Variants in MSN observed in about 807,000 individuals in gnomAD.
MSN encodes the protein epididymis luminal protein 70.
MSN carries 2 observed loss-of-function variants against 48.0 expected under a neutral mutation model. The observed-to-expected ratio is 0.04, with a 90% CI of 0.02 to 0.13. MSN has a LOEUF of 0.13. Ranked by LOEUF, MSN falls within the 10% of genes least tolerant of loss-of-function variation. The pLI, the probability that MSN is intolerant of heterozygous loss-of-function variation, is 1.00. For missense variants in MSN, 267 were observed against 470.1 expected, an observed-to-expected ratio of 0.57 and a Z score of 3.99; for synonymous variants, 146 against 166.9, an observed-to-expected ratio of 0.87 and a Z score of 0.97.
At chrX:65,676,928 G>T (rs1377509445) in intron 1 of MSN, among the ~76,000 whole-genome samples, 1 of 110,274 alleles carries the variant, frequency 9.1e-6, no homozygotes, top group African/African-American at 3.3e-5. Context: ...GGGTTCAAGA[G>T]ATTCTCCTGC....
At chrX:65,622,500 A>G (rs1453616194) in intron 1 of MSN, among the ~76,000 whole-genome samples, 1 of 100,943 alleles carries the variant, frequency 9.9e-6, no homozygotes, top group Non-Finnish European at 2.0e-5. Context: ...TGATGAAGCT[A>G]GGCATCTTTG....
intron 1 of MSN, among the ~76,000 whole-genome samples, chrX:65,623,922 G>A (rs1340497110): frequency 9.1e-6 from 1 of 110,387 alleles, no homozygotes; most frequent in Non-Finnish European, 1.9e-5. Flanking sequence ...TTATAGGTAG[G>A]TTAAGATTTT....
chrX:65,731,851 C>G lies in MSN; in HGVS notation c.565C>G (p.Leu189Val). The change falls in exon 6 of 13, where the codon CTG becomes GTG. Residue 189 changes from leucine to valine, a missense_variant. Physicochemically the swap from Leu to Val is conservative, Grantham distance 32 (BLOSUM62 1). This residue lies in a region of MSN where 89 missense variants were observed against 151.0 expected (regional missense o/e 0.59). Transcript: ENST00000360270. The stretch of plus-strand genomic sequence containing the variant: ...TGTGTCATTTAGGGAGGATGCTGTC[C>G]TGGAATATCTGAAGATTGCTCAAGA... The part of the protein sequence containing the change: ...HRGMLREDAV[L>V]EYLKIAQDLE... 8.3e-7 allele frequency: 1 copy of G among 1,208,861 alleles called. No individual in the cohort carries two copies.
In MSN at chrX:65,739,056, G is replaced by A. The variant is rs1278576467; in HGVS notation, c.1431G>A (p.Glu477=). 8.3e-7 allele frequency: 1 copy of A among 1,210,343 alleles called. No homozygotes were observed. The highest frequency in any genetic ancestry group is 1.1e-6 in the Non-Finnish European group (1 of 895,231). The change falls in exon 12 of 13, where the codon GAG becomes GAA. Residue 477 remains glutamate, a synonymous_variant. Transcript: ENST00000360270. The part of the protein sequence containing the change: ...MSTPHVAEPA[E]NEQDEQDENG... ...CACCTCATGTGGCAGAGCCTGCTGAGAATGAGCAGGATGAGCAGGATGAGA... is the reference window on the plus strand; with the variant it reads ...CACCTCATGTGGCAGAGCCTGCTGAAAATGAGCAGGATGAGCAGGATGAGA...
rs929151204 is a variant in MSN at position 65,649,592 on chromosome X, T to A, written c.-22+60980T>A. ...CTCTATCTCAAAAAAAAAAAAAATA[T>A]ATATATATATATTTGTGTGTGTGTG... On this transcript the variant is annotated intron_variant, in intron 1 of 3. Coordinates refer to the MSN transcript ENST00000609672. Among the ~76,000 whole-genome samples, 66 of 99,552 alleles carry A rather than the reference T, an allele frequency of 6.6e-4. 1 individual carries two copies. Among genetic ancestry groups the A allele is most frequent in the African/African-American group, 2.4e-3 (63 of 26,710 alleles). The allele number at this position is 99,552 out of a possible 115,157, so 86.4% of individuals were successfully genotyped here.
intron 1 of MSN, among the ~76,000 whole-genome samples, chrX:65,590,452 C>A (rs1220777826): frequency 9.0e-6 from 1 of 110,743 alleles, no homozygotes; most frequent in Non-Finnish European, 1.9e-5. Context: ...CCTTAGGGGC[C>A]AGGGTAACTC....
rs764759885 is a variant in MSN at position 65,731,092 on chromosome X, C to G, written c.468-15C>G. Reference sequence around the variant, plus strand: ...CTTTGTGCTTTAAACTACTCATCACCCATTGTCTTTCCAGAGTCCTGGAAC... The same window carrying G: ...CTTTGTGCTTTAAACTACTCATCACGCATTGTCTTTCCAGAGTCCTGGAAC... On this transcript the variant is annotated splice_polypyrimidine_tract_variant and intron_variant, in intron 4 of 12. Transcript: ENST00000360270. 3.4e-6 allele frequency: 4 copies of G among 1,187,500 alleles called. No homozygotes were observed.
At position 65,739,915 on chromosome X, in the gene MSN, C is replaced by T; in HGVS notation, c.*22C>T. 1.7e-6 allele frequency: 2 copies of T among 1,194,277 alleles called. No homozygotes were observed. The highest frequency in any genetic ancestry group is 1.9e-5 in the South Asian group (1 of 53,989). ...GTAATGGGCACCCAGCCTCTAGGGA[C>T]CCCTCCTCCCTTTTTCCTTGTCCCC... is the stretch of plus-strand genomic sequence containing the variant. On this transcript the variant is annotated 3_prime_UTR_variant, in exon 13 of 13. Coordinates refer to ENST00000360270, the MANE Select transcript of MSN (RefSeq NM_002444.3).
Position 65,735,180 on chromosome X carries a change from A to G in MSN, c.796-87A>G, listed in dbSNP as rs1481409213. 4.9e-6 allele frequency: 5 copies of G among 1,023,008 alleles called. No homozygotes were observed. In the Admixed American group the frequency reaches 1.3e-4, roughly 26 times the overall value. 84.3% of individuals were successfully genotyped at this position (1,023,008 alleles called of 1,213,427 possible). The stretch of plus-strand genomic sequence containing the variant: ...GGAGGTCAGATTAAATATTCTTTCC[A>G]GTGCTTTTGGATTTAGCTTTTCAGA... On this transcript the variant is annotated intron_variant, in intron 7 of 12. Transcript: ENST00000360270.
chrX:65,650,326 G>A (rs758315909), intron 1 of MSN, among the ~76,000 whole-genome samples: 1 of 111,713 alleles, frequency 9.0e-6, no homozygotes, highest in Non-Finnish European at 1.9e-5. Context: ...GGCTTCAAGT[G>A]ATCCACCCCC....
chrX:65,627,764 A>G (rs1364370817), intron 1 of MSN, among the ~76,000 whole-genome samples: 2 of 112,062 alleles, frequency 1.8e-5, no homozygotes, highest in African/African-American at 3.2e-5. Flanking sequence ...TCCATAGTCC[A>G]AAGTCTCACC....
At chrX:65,642,470 G>C (rs2070664716) in intron 1 of MSN, among the ~76,000 whole-genome samples, 1 of 110,311 alleles carries the variant, frequency 9.1e-6, no homozygotes, top group Non-Finnish European at 1.9e-5. Flanking sequence ...CCAGGTTTGG[G>C]CATGGCATAC....
At chrX:65,609,018 T>C (rs180716721) in intron 1 of MSN, among the ~76,000 whole-genome samples, 2 of 110,100 alleles carry the variant, frequency 1.8e-5, no homozygotes, top group African/African-American at 6.6e-5. Flanking sequence ...AAAAAGCCAA[T>C]TGGTAACTTA....
Position 65,667,935 on chromosome X carries a change from C to A in MSN, c.12+82C>A, listed in dbSNP as rs771676723. The A allele has an allele frequency of 3.4e-5, 36 of 1,063,464 alleles. No homozygotes were observed. In the African/African-American group the frequency reaches 6.0e-4, roughly 18 times the overall value. 87.6% of individuals were successfully genotyped at this position (1,063,464 alleles called of 1,213,427 possible). On this transcript the variant is annotated intron_variant, in intron 1 of 12. Transcript: ENST00000360270. ...CCTTTGCTGATGGCTGAGGGCTTGG[C>A]CAGCCACCGGCCCGCCTGGGACGCC...
At chrX:65,684,786 C>T (rs1042526987) in intron 1 of MSN, among the ~76,000 whole-genome samples, 1 of 112,096 alleles carries the variant, frequency 8.9e-6, no homozygotes, top group African/African-American at 3.2e-5. Flanking sequence ...TTACCCAGGC[C>T]GGAGTGCAGT....
In MSN at chrX:65,736,966, C is replaced by G. The variant is rs200554233; in HGVS notation, c.1090+41C>G. 1.3e-5 allele frequency: 16 copies of G among 1,200,864 alleles called. No homozygotes were observed. The Admixed American group carries it at 3.3e-4, about 25-fold the overall frequency. On this transcript the variant is annotated intron_variant, in intron 9 of 12. Coordinates refer to ENST00000360270, the MANE Select transcript of MSN (RefSeq NM_002444.3). ...ACCTTGGAGATTGGATTTTTCCAGG[C>G]CTAACTCTGAGCTGGAGAACCTTCT...
At chrX:65,647,741 T>C (rs1398871917) in intron 1 of MSN, among the ~76,000 whole-genome samples, 2 of 111,700 alleles carry the variant, frequency 1.8e-5, no homozygotes, top group Non-Finnish European at 3.8e-5. Context: ...GAAAAATGGC[T>C]AGTGTGGCTG....
chrX:65,661,551 G>A (rs1211870366), intron 1 of MSN, among the ~76,000 whole-genome samples: 1 of 112,027 alleles, frequency 8.9e-6, no homozygotes, highest in Non-Finnish European at 1.9e-5. Context: ...ATGCTCATTA[G>A]GGATATTGGC....
At chrX:65,662,791 C>G (rs1052130579), upstream of MSN, among the ~76,000 whole-genome samples, 3 of 112,025 alleles carry the variant, frequency 2.7e-5, no homozygotes, top group Non-Finnish European at 3.8e-5. Flanking sequence ...CAAGTGAGAC[C>G]TAATTAAACT....
Sources: allele counts gnomAD v4.1 joint callset (sites outside exome capture counted in the v4.1 genomes callset), GRCh38; gene constraint gnomAD v4.1.1; regional missense constraint gnomAD v4.1.1; transcripts MANE v1.5; gene names NCBI Gene and HGNC (gene_info 2026-07-23, HGNC 2026-07-21).